Variants in NUGGC observed in about 807,000 individuals in gnomAD.
NUGGC encodes nuclear GTPase SLIP-GC.
Under a neutral mutation model 92.6 loss-of-function variants are expected in NUGGC, and 58 were observed. The observed-to-expected ratio is 0.63, with a 90% confidence interval of 0.51 to 0.78. The LOEUF (loss-of-function observed/expected upper bound fraction) is 0.78, where lower values mean the gene tolerates loss of function less well. Among genes scored for constraint, NUGGC ranks in the 30% least tolerant of loss-of-function variants. The pLI, the probability that NUGGC is intolerant of heterozygous loss-of-function variation, is 0.00. For missense variants in NUGGC, 925 were observed against 964.6 expected, an observed-to-expected ratio of 0.96 and a Z score of 0.54; for synonymous variants, 376 against 366.4, an observed-to-expected ratio of 1.03 and a Z score of -0.30.
chr8:28,061,840 G>A (rs183789808), intron 7 of NUGGC, among the ~76,000 whole-genome samples: 5 of 152,246 alleles, frequency 3.3e-5, no homozygotes, highest in Admixed American at 6.5e-5. Flanking sequence ...ATTCTTCAAT[G>A]CCCAGGACAG....
At position 28,069,589 on chromosome 8, in the gene NUGGC, G is replaced by T; in HGVS notation, c.212C>A (p.Ser71Tyr). The T allele has an allele frequency of 6.2e-7, 1 of 1,611,226 alleles. No individual in the cohort carries two copies. Among genetic ancestry groups the T allele is most frequent in the Non-Finnish European group, 8.5e-7 (1 of 1,177,424 alleles). Residue 71 changes from serine to tyrosine, a missense_variant, in exon 4 of 19, where the codon TCT becomes TAT. By Grantham distance (144) the Ser-to-Tyr change is moderately radical (BLOSUM62 -2). Coordinates refer to ENST00000413272, the MANE Select transcript of NUGGC (RefSeq NM_001010906.2). ...LSNTYQKLIQ[S>Y]VFLDDSIPNG... ...AGGGATGCTGTCATCCAGGAAGACA[G>T]ACTGAATAAGTTTCTGATAAGTGTT...
chr8:28,058,346 TC>T, intron 8 of NUGGC, 70 bp from the exon 9 acceptor site: 1 of 318,148 alleles, frequency 3.1e-6, no homozygotes, highest in Non-Finnish European at 5.9e-6. Context: ...CTTTCGACTT[TC>T]CCCAAAAGCA....
intron 10 of NUGGC, among the ~76,000 whole-genome samples, chr8:28,050,825 A>AT (rs1563221917): frequency 6.6e-6 from 1 of 151,922 alleles, no homozygotes; most frequent in Non-Finnish European, 1.5e-5. Context: ...AAAAAAAAAA[A>AT]TCATGACCTG....
rs555555053 is a variant in NUGGC at position 28,060,662 on chromosome 8, G to T, written c.922-61C>A. The T allele has an allele frequency of 7.4e-6, 11 of 1,495,192 alleles. No individual in the cohort carries two copies. In the South Asian group the frequency reaches 1.1e-4, roughly 15 times the overall value. 92.6% of individuals were successfully genotyped at this position (1,495,192 alleles called of 1,614,324 possible). On this transcript the variant is annotated intron_variant, in intron 7 of 18. Coordinates refer to ENST00000413272, the MANE Select transcript of NUGGC (RefSeq NM_001010906.2). The stretch of plus-strand genomic sequence containing the variant: ...AATGGAGTCACAGTTCCTGAGGACC[G>T]GTTCCCTAATGTATCCCTTAAGCCT...
chr8:28,080,605 T>G (rs891942008), intron 1 of NUGGC, among the ~76,000 whole-genome samples: 7 of 152,218 alleles, frequency 4.6e-5, no homozygotes, highest in African/African-American at 1.7e-4. Flanking sequence ...AATAATTTGT[T>G]GAATGAATGA....
At chr8:28,054,407 A>AGG (rs1402876337) in intron 10 of NUGGC, among the ~76,000 whole-genome samples, 6 of 151,990 alleles carry the variant, frequency 3.9e-5, no homozygotes, top group African/African-American at 1.4e-4. Flanking sequence ...GTTTGAACCC[A>AGG]GGGGTCAGAG....
At chr8:28,044,930 T>C (rs1809792534) in intron 12 of NUGGC, among the ~76,000 whole-genome samples, 1 of 152,238 alleles carries the variant, frequency 6.6e-6, no homozygotes, top group Admixed American at 6.5e-5. Context: ...CCCTCTTATT[T>C]TAGGGTTAAA....
rs1420568248 is a variant in NUGGC at position 28,023,461 on chromosome 8, A to G, written c.2247T>C (p.Asp749=). The change falls in exon 19 of 19, where the codon GAT becomes GAC. Residue 749 remains aspartate, a splice_region_variant and synonymous_variant. Coordinates refer to ENST00000413272, the MANE Select transcript of NUGGC (RefSeq NM_001010906.2). ...QGDGLYKELA[D]VGSEYKEMEK... is the part of the protein sequence containing the mutation. ...CCATCTCCTTGTATTCACTCCCGAC[A>G]TCTACAGGAGAGCAGAAAGCTCACA... is the stretch of plus-strand genomic sequence containing the variant. The G allele has an allele frequency of 6.2e-7, 1 of 1,613,086 alleles. No homozygotes were observed. The highest frequency in any genetic ancestry group is 1.7e-5 in the Admixed American group (1 of 59,920).
At chr8:28,038,071 T>C (rs1036904633) in intron 13 of NUGGC, among the ~76,000 whole-genome samples, 2 of 152,186 alleles carry the variant, frequency 1.3e-5, no homozygotes, top group African/African-American at 2.4e-5. Flanking sequence ...AGGCACTGGA[T>C]TCAGCTCATC....
intron 1 of NUGGC, 28 bp downstream of exon 1, chr8:28,083,747 T>C (rs1382423835): frequency 6.8e-6 from 1 of 147,640 alleles, no homozygotes; most frequent in Non-Finnish European, 1.5e-5. Context: ...CAAGTTACAG[T>C]ACAAATTACA....
intron 15 of NUGGC, 113 bp downstream of exon 15, chr8:28,031,130 C>A (rs1402566398): frequency 7.9e-7 from 1 of 1,270,380 alleles, no homozygotes; most frequent in Non-Finnish European, 1.1e-6. Context: ...GGAGGTACTC[C>A]CAGACCCTGG....
intron 2 of NUGGC, among the ~76,000 whole-genome samples, chr8:28,073,207 C>A (rs1810635357): frequency 7.0e-6 from 1 of 142,454 alleles, no homozygotes; most frequent in Non-Finnish European, 1.5e-5. Flanking sequence ...GTGATGAGGT[C>A]TTGCTGTGTT....
At chr8:28,059,522 T>C (rs1232217341) in intron 8 of NUGGC, among the ~76,000 whole-genome samples, 1 of 152,068 alleles carries the variant, frequency 6.6e-6, no homozygotes, top group Non-Finnish European at 1.5e-5. Flanking sequence ...CTGTTCCAAG[T>C]GAGTTAAAAA....
intron 13 of NUGGC, among the ~76,000 whole-genome samples, chr8:28,035,873 C>T (rs1390549207): frequency 6.6e-6 from 1 of 152,164 alleles, no homozygotes; most frequent in Admixed American, 6.5e-5. Flanking sequence ...TGATATTCGT[C>T]TTAACGAACT....
chr8:28,064,294 C>A (rs1288124388), intron 7 of NUGGC, among the ~76,000 whole-genome samples: 1 of 152,210 alleles, frequency 6.6e-6, no homozygotes, highest in East Asian at 1.9e-4. Flanking sequence ...TCATACATCA[C>A]ACACACTTGT....
In NUGGC at chr8:28,067,708, G is replaced by A; in HGVS notation, c.517C>T (p.Leu173=). ...CTGCTCAGCTCCTCCGTCCTATGCA[G>A]GAGTTTGGTCAGGTTCTTCAGCTCC... ...REELKNLTKL[L]HRTEELSREE... Residue 173 remains leucine, a synonymous_variant, in exon 6 of 19, where the codon CTG becomes TTG. Coordinates refer to ENST00000413272, the MANE Select transcript of NUGGC (RefSeq NM_001010906.2). 6.2e-7 allele frequency: 1 copy of A among 1,613,942 alleles called. No individual in the cohort carries two copies. Among genetic ancestry groups the A allele is most frequent in the Non-Finnish European group, 8.5e-7 (1 of 1,179,824 alleles).
intron 16 of NUGGC, among the ~76,000 whole-genome samples, chr8:28,029,915 A>C (rs1211202119): frequency 6.6e-6 from 1 of 152,232 alleles, no homozygotes; most frequent in Non-Finnish European, 1.5e-5. Flanking sequence ...TTAAGCTGAA[A>C]CTTGCAAAAT....
intron 16 of NUGGC, 52 bp downstream of exon 16, chr8:28,030,258 G>A (rs1379923272): frequency 4.1e-6 from 4 of 981,176 alleles, no homozygotes; most frequent in African/African-American, 3.2e-5. Context: ...TGCGAAAGAT[G>A]CTGACAGAAA....
intron 7 of NUGGC, among the ~76,000 whole-genome samples, chr8:28,062,864 C>G (rs750762608): frequency 9.9e-5 from 15 of 152,196 alleles, no homozygotes; most frequent in South Asian, 4.1e-4. Context: ...CCACACAAAG[C>G]TCCCACTGCC....
Sources: gnomAD v4.1 joint callset for allele counts (sites outside exome capture counted in the v4.1 genomes callset) on GRCh38, gnomAD v4.1.1 for gene constraint, MANE v1.5 for transcripts, NCBI Gene and HGNC (gene_info 2026-07-23, HGNC 2026-07-21) for gene names.